Variants in SMAP1 observed in about 807,000 individuals in gnomAD.
SMAP1 encodes small ArfGAP 1.
SMAP1 carries 24 observed loss-of-function variants against 58.5 expected under a neutral mutation model. That is an observed-to-expected ratio of 0.41 (90% confidence interval 0.30 to 0.58). The LOEUF is 0.58. Among genes scored for constraint, SMAP1 ranks in the 20% least tolerant of loss-of-function variants. SMAP1 has a pLI of 0.29. For missense variants in SMAP1, 563 were observed against 566.3 expected (o/e 0.99, Z 0.06); for synonymous variants, 216 against 196.6 (o/e 1.10, Z -0.82).
At chr6:70,838,521 G>C (rs1315447526) in intron 7 of SMAP1, among the ~76,000 whole-genome samples, 1 of 152,190 alleles carries the variant, frequency 6.6e-6, no homozygotes, top group Non-Finnish European at 1.5e-5. Flanking sequence ...TTTAAATAGG[G>C]TGGACGGGGG....
In SMAP1 at chr6:70,852,436, G is replaced by A. The variant is rs1771220675; in HGVS notation, c.665-104G>A. On this transcript the variant is annotated intron_variant, in intron 7 of 10. Coordinates refer to ENST00000370455, the MANE Select transcript of SMAP1 (RefSeq NM_001044305.3). ...GAGAACAAATGTTTTACCAACTTTT[G>A]AACTGTTCTTTTTTTTTAACCATAT... 9.4e-6 allele frequency: 11 copies of A among 1,171,306 alleles called. No homozygotes were observed. In the East Asian group the frequency reaches 3.2e-4, roughly 34 times the overall value. 72.6% of individuals were successfully genotyped at this position (1,171,306 alleles called of 1,614,324 possible).
At chr6:70,781,366 A>G (rs893570880) in intron 4 of SMAP1, among the ~76,000 whole-genome samples, 91 of 152,176 alleles carry the variant, frequency 6.0e-4, no homozygotes, top group Non-Finnish European at 1.2e-3. Flanking sequence ...TATGGGTTAT[A>G]TACTAATTTA....
In SMAP1 at chr6:70,667,969, C is replaced by T. The variant is rs1032885078; in HGVS notation, c.-55C>T. ...CAGGTGCGTTCACTCTGCCCGGCTC[C>T]AGCCAGCGTCCGCCGCCGCCGTAGC... On this transcript the variant is annotated 5_prime_UTR_variant, in exon 1 of 11. Coordinates refer to ENST00000370455, the MANE Select transcript of SMAP1 (RefSeq NM_001044305.3). The T allele has an allele frequency of 2.0e-6, 3 of 1,483,436 alleles. No individual in the cohort carries two copies. The highest frequency in any genetic ancestry group is 2.7e-5 in the East Asian group (1 of 37,608). 91.9% of individuals were successfully genotyped at this position (1,483,436 alleles called of 1,614,324 possible).
At chr6:70,726,897 G>T (rs2149854655) in intron 1 of SMAP1, among the ~76,000 whole-genome samples, 1 of 151,608 alleles carries the variant, frequency 6.6e-6, no homozygotes, top group South Asian at 2.1e-4. Context: ...GTGTGTGTGT[G>T]TGTGTGTGTG....
At chr6:70,797,106 A>C (rs1768638185) in intron 5 of SMAP1, among the ~76,000 whole-genome samples, 1 of 152,154 alleles carries the variant, frequency 6.6e-6, no homozygotes, top group African/African-American at 2.4e-5. Flanking sequence ...TGTTCTTAAA[A>C]TTGCAGTTGA....
intron 3 of SMAP1, among the ~76,000 whole-genome samples, chr6:70,769,240 G>A (rs528823722): frequency 6.6e-6 from 1 of 152,296 alleles, no homozygotes; most frequent in South Asian, 2.1e-4. Flanking sequence ...GATCTGGGGT[G>A]GAGAGTTCTG....
intron 2 of SMAP1, among the ~76,000 whole-genome samples, chr6:70,738,672 C>G (rs1038000823): frequency 5.3e-5 from 8 of 152,128 alleles, no homozygotes; most frequent in African/African-American, 1.9e-4. Context: ...CATAAGTAAG[C>G]TTTGCTGTAT....
chr6:70,819,367 C>A (rs1408594372), intron 6 of SMAP1, among the ~76,000 whole-genome samples: 4 of 149,250 alleles, frequency 2.7e-5, no homozygotes, highest in Non-Finnish European at 5.9e-5. Context: ...TATGTTAGAA[C>A]TTAATACAGG....
chr6:70,859,438 C>A, intron 10 of SMAP1: 2 of 1,442,038 alleles, frequency 1.4e-6, no homozygotes, highest in Non-Finnish European at 1.9e-6. Context: ...TGATCTGCTT[C>A]TTCAGACACT....
intron 3 of SMAP1, among the ~76,000 whole-genome samples, chr6:70,770,653 A>T (rs1767246396): frequency 6.6e-6 from 1 of 151,996 alleles, no homozygotes; most frequent in African/African-American, 2.4e-5. Flanking sequence ...CATTCGTCTG[A>T]ATTTTTTTCA....
chr6:70,800,002 G>A (rs4707855), intron 6 of SMAP1, among the ~76,000 whole-genome samples: 75,687 of 152,064 alleles, frequency 0.5, 19,177 homozygotes, highest in African/African-American at 0.52. Context: ...CTTGATTACA[G>A]AATGAGGCCC....
intron 3 of SMAP1, among the ~76,000 whole-genome samples, chr6:70,768,925 T>C (rs1246307537): frequency 3.9e-5 from 6 of 152,086 alleles, no homozygotes; most frequent in East Asian, 1.9e-4. Context: ...GCTTTGAATG[T>C]GTCCCAGAGA....
At chr6:70,714,362 T>C (rs1006845634) in intron 1 of SMAP1, among the ~76,000 whole-genome samples, 1 of 152,158 alleles carries the variant, frequency 6.6e-6, no homozygotes. Context: ...TGTGATTCTT[T>C]GTGTAACTTC....
chr6:70,856,190 A>G (rs1406745699), intron 8 of SMAP1, among the ~76,000 whole-genome samples: 1 of 152,202 alleles, frequency 6.6e-6, no homozygotes, highest in Non-Finnish European at 1.5e-5. Context: ...TTGTGATTGT[A>G]TAATAGTGTG....
intron 2 of SMAP1, among the ~76,000 whole-genome samples, chr6:70,734,344 C>T (rs1765539997): frequency 6.6e-6 from 1 of 152,160 alleles, no homozygotes. Context: ...TGGGGTTTTG[C>T]CATGTTGGCC....
At chr6:70,837,971 G>A in intron 7 of SMAP1, 1 of 1,015,210 alleles carries the variant, frequency 9.9e-7, no homozygotes, top group East Asian at 1.0e-4. Flanking sequence ...TATACTCCCT[G>A]GAGGTACAAT....
chr6:70,810,557 A>G (rs193088239), intron 6 of SMAP1, among the ~76,000 whole-genome samples: 15 of 152,194 alleles, frequency 9.9e-5, no homozygotes, highest in African/African-American at 3.1e-4. Context: ...TCATTTGACA[A>G]TATTTTGACT....
chr6:70,727,142 C>G (rs963983867), intron 1 of SMAP1, among the ~76,000 whole-genome samples: 2 of 152,054 alleles, frequency 1.3e-5, no homozygotes, highest in African/African-American at 4.8e-5. Context: ...GCGTCTCCCT[C>G]TGTCACCCAG....
intron 6 of SMAP1, among the ~76,000 whole-genome samples, chr6:70,823,611 A>T (rs1271466879): frequency 6.6e-6 from 1 of 152,208 alleles, no homozygotes; most frequent in African/African-American, 2.4e-5. Flanking sequence ...CAAGTCCCTT[A>T]TATAAAGTGT....
Sources: allele counts gnomAD v4.1 joint callset (sites outside exome capture counted in the v4.1 genomes callset), GRCh38; gene constraint gnomAD v4.1.1; transcripts MANE v1.5; gene names NCBI Gene and HGNC (gene_info 2026-07-23, HGNC 2026-07-21).